The following MYO18B variants were observed in gnomAD, a reference collection of about 807,000 sequenced individuals.
MYO18B encodes unconventional myosin-XVIIIb.
A neutral mutation model predicts 273.0 loss-of-function variants in MYO18B; 204 were observed. The observed-to-expected ratio is 0.75, with a 90% CI of 0.67 to 0.84. The LOEUF (loss-of-function observed/expected upper bound fraction) is 0.84. Ranked by LOEUF, MYO18B falls within the 40% of genes least tolerant of loss-of-function variation. The pLI, the probability that MYO18B is intolerant of heterozygous loss-of-function variation, is 0.00. For missense variants in MYO18B, 3,212 were observed against 3,287.6 expected (o/e 0.98, Z 0.56); for synonymous variants, 1,330 against 1,305.7 (o/e 1.02, Z -0.40).
At chr22:25,822,359 T>C (rs1245730390) in intron 12 of MYO18B, among the ~76,000 whole-genome samples, 1 of 152,220 alleles carries the variant, frequency 6.6e-6, no homozygotes, top group East Asian at 1.9e-4. Context: ...TGGTCTCTCT[T>C]GATCTCAGCA....
At chr22:25,793,335 A>C (rs1831278607) in intron 11 of MYO18B, among the ~76,000 whole-genome samples, 1 of 152,194 alleles carries the variant, frequency 6.6e-6, no homozygotes, top group Admixed American at 6.5e-5. Context: ...CCTTGGCTCA[A>C]GTAATTCTCC....
intron 40 of MYO18B, among the ~76,000 whole-genome samples, chr22:26,000,218 G>A (rs1247836168): frequency 1.3e-5 from 2 of 152,216 alleles, no homozygotes; most frequent in Non-Finnish European, 2.9e-5. Flanking sequence ...CATGGTAAAA[G>A]GGCCAATGTG....
At chr22:26,020,519 C>T (rs1319612767) in intron 42 of MYO18B, among the ~76,000 whole-genome samples, 1 of 152,126 alleles carries the variant, frequency 6.6e-6, no homozygotes, top group Non-Finnish European at 1.5e-5. Context: ...TGAAAGAGGT[C>T]ATTAAAAGCA....
chr22:25,948,459 CTTCT>C (rs1158700194), intron 36 of MYO18B, among the ~76,000 whole-genome samples: 1,548 of 67,484 alleles, frequency 0.023, 88 homozygotes, highest in Admixed American at 0.15. Flanking sequence ...TCCTTCCTTC[CTTCT>C]TTCTTTCTTT....
At chr22:25,950,310 C>T in intron 36 of MYO18B, 57 bp from the exon 37 acceptor site, 1 of 1,462,404 alleles carries the variant, frequency 6.8e-7, no homozygotes, top group African/African-American at 1.4e-5. Flanking sequence ...GGTGGTTTCC[C>T]AGCAAGGCTT....
downstream of MYO18B, among the ~76,000 whole-genome samples, chr22:26,034,600 C>T (rs897239310): frequency 8.5e-5 from 13 of 152,200 alleles, no homozygotes; most frequent in African/African-American, 2.4e-4. Context: ...CCTGCTATGG[C>T]GTCCCTGCTG....
rs917841995 is a variant in MYO18B at position 25,998,710 on chromosome 22, T to G, written c.6288-4555T>G. Among the ~76,000 whole-genome samples the G allele has an allele frequency of 7.2e-5, 11 of 152,176 alleles. 1 individual carries two copies. The highest frequency in any genetic ancestry group is 1.3e-4 in the Non-Finnish European group (9 of 68,028). Reference sequence around the variant, plus strand: ...ACCTAGTAGGACAGTCATTGGAACTTCCAACAGCTCTTTTCCTGCAACTTT... The same window carrying G: ...ACCTAGTAGGACAGTCATTGGAACTGCCAACAGCTCTTTTCCTGCAACTTT... On this transcript the variant is annotated intron_variant, in intron 40 of 43. Transcript: ENST00000335473.
chr22:26,011,711 C>T (rs1338945200), intron 42 of MYO18B, among the ~76,000 whole-genome samples: 1 of 152,196 alleles, frequency 6.6e-6, no homozygotes, highest in Non-Finnish European at 1.5e-5. Context: ...ATTAGTGATG[C>T]TGTGCTTTGA....
In MYO18B at chr22:25,948,523, T is replaced by TTCCTTC. The variant is rs1569225706; in HGVS notation, c.5748+695_5748+696insTCCTTC. On this transcript the variant is annotated intron_variant, in intron 36 of 43. Transcript: ENST00000335473. ...TTCCTCTCTTTTCTCTTTCCTTCTT[T>TTCCTTC]CTTTCTTCCTTCCTTCCTTCCTTCC... 4.5e-4 allele frequency among the ~76,000 whole-genome samples: 4 copies of TTCCTTC among 8,848 alleles called. 1 individual carries two copies. Among genetic ancestry groups the TTCCTTC allele is most frequent in the African/African-American group, 1.2e-3 (4 of 3,262 alleles). 5.8% of individuals were successfully genotyped at this position (8,848 alleles called of 152,430 possible).
chr22:25,835,429 G>A lies in MYO18B; in HGVS notation c.3194G>A (p.Gly1065Glu). The A allele has an allele frequency of 1.2e-6, 2 of 1,613,888 alleles. No individual in the cohort carries two copies. Among genetic ancestry groups the A allele is most frequent in the Admixed American group, 1.7e-5 (1 of 60,026 alleles). Residue 1065 changes from glycine (G) to glutamate (E), a missense_variant, in exon 17 of 44, where the codon GGA becomes GAA. Transcript: ENST00000335473. ...CTGTGTGCTGCTTTCGAGAAGAAAG[G>A]AGCTGGGACTGAAGGTAAGGAAGCA... ...ERLCAAFEKK[G>E]AGTEGSSALR...
At chr22:25,902,847 C>G (rs2091966071) in intron 30 of MYO18B, 111 bp downstream of exon 30, 1 of 1,238,530 alleles carries the variant, frequency 8.1e-7, no homozygotes, top group Admixed American at 2.6e-5. Flanking sequence ...ACAAGGGTAT[C>G]CTGGTCTGTC....
At chr22:25,859,688 T>C (rs2090674493) in intron 21 of MYO18B, among the ~76,000 whole-genome samples, 1 of 152,090 alleles carries the variant, frequency 6.6e-6, no homozygotes, top group African/African-American at 2.4e-5. Flanking sequence ...GAAACTCTAT[T>C]TTTTTTGCCC....
intron 8 of MYO18B, among the ~76,000 whole-genome samples, chr22:25,778,796 C>T (rs1601666345): frequency 2.0e-5 from 3 of 146,852 alleles, no homozygotes; most frequent in South Asian, 4.3e-4. Context: ...CCAACCTGAA[C>T]TTTTTTTTTT....
At chr22:26,013,546 G>A (rs1012581351) in intron 42 of MYO18B, among the ~76,000 whole-genome samples, 6 of 152,104 alleles carry the variant, frequency 3.9e-5, no homozygotes, top group Non-Finnish European at 5.9e-5. Context: ...GATTTCTGTC[G>A]GGCGTATACT....
In MYO18B at chr22:25,955,257, C is replaced by A. The variant is rs2092836167; in HGVS notation, c.6049C>A (p.Gln2017Lys). 1.2e-6 allele frequency: 2 copies of A among 1,613,720 alleles called. No homozygotes were observed. The highest frequency in any genetic ancestry group is 1.7e-6 in the Non-Finnish European group (2 of 1,179,836). Residue 2017 changes from glutamine to lysine, a missense_variant, in exon 39 of 44, where the codon CAG becomes AAG. Transcript: ENST00000335473. ...ACAGGCGGCCACCTCCGAGTCCCAG[C>A]AGCGGGAGAGCAGCCAGTACTACCA... ...LSQAATSESQQRESSQYYQRR... is the reference protein window; with the variant it reads ...LSQAATSESQKRESSQYYQRR...
intron 34 of MYO18B, among the ~76,000 whole-genome samples, chr22:25,945,632 C>T (rs1232095581): frequency 6.6e-6 from 1 of 151,716 alleles, no homozygotes; most frequent in East Asian, 2.0e-4. Flanking sequence ...AGGGGCTGGG[C>T]TGAGCTAGAG....
At chr22:25,918,769 A>C (rs1231148698) in intron 33 of MYO18B, among the ~76,000 whole-genome samples, 1 of 152,212 alleles carries the variant, frequency 6.6e-6, no homozygotes, top group Non-Finnish European at 1.5e-5. Context: ...TGCAAAACAA[A>C]AACAGACACA....
intron 24 of MYO18B, among the ~76,000 whole-genome samples, 172 bp downstream of exon 24, chr22:25,876,504 A>AAT (rs2091203118): frequency 6.6e-6 from 1 of 152,112 alleles, no homozygotes; most frequent in Non-Finnish European, 1.5e-5. Flanking sequence ...CAACACAGAC[A>AAT]ATCCTCCATC....
At chr22:26,051,229 T>A in the MYO18B span, among the ~76,000 whole-genome samples, 615 of 142,168 alleles carry the variant, frequency 4.3e-3, 5 homozygotes, top group African/African-American at 0.015. Flanking sequence ...TTTTTTTTTT[T>A]TTTTTTTTTT....
Sources: allele counts gnomAD v4.1 joint callset (sites outside exome capture counted in the v4.1 genomes callset), GRCh38; gene constraint gnomAD v4.1.1; transcripts MANE v1.5; gene names NCBI Gene and HGNC (gene_info 2026-07-23, HGNC 2026-07-21).